FAM118B: variants seen among roughly 807,000 people sequenced by gnomAD.
The protein encoded by FAM118B is protein FAM118B.
Under a neutral mutation model 38.5 loss-of-function variants are expected in FAM118B, and 24 were observed. The ratio of observed to expected loss-of-function variants is 0.62; its 90% CI spans 0.45 to 0.88. FAM118B has a LOEUF of 0.88. Among genes scored for constraint, FAM118B ranks in the 40% least tolerant of loss-of-function variants. The pLI is 0.00. For missense variants in FAM118B, 334 were observed against 420.0 expected (o/e 0.80, Z 1.79); for synonymous variants, 138 against 156.3 (o/e 0.88, Z 0.87).
intron 3 of FAM118B, among the ~76,000 whole-genome samples, chr11:126,239,421 A>T (rs560048402): frequency 6.6e-6 from 1 of 152,142 alleles, no homozygotes; most frequent in African/African-American, 2.4e-5. Flanking sequence ...GAAATTTTCT[A>T]TGTGTGTGTA....
intron 1 of FAM118B, among the ~76,000 whole-genome samples, chr11:126,220,220 A>G (rs1433156051): frequency 2.0e-5 from 3 of 152,170 alleles, no homozygotes; most frequent in Non-Finnish European, 2.9e-5. Context: ...TTCTGAATGA[A>G]GTCTCCACCT....
chr11:126,247,682 A>AC (rs1950435090), intron 4 of FAM118B, among the ~76,000 whole-genome samples: 1 of 151,628 alleles, frequency 6.6e-6, no homozygotes, highest in African/African-American at 2.4e-5. Context: ...ACATGGTGAA[A>AC]CCCATCTCTA....
chr11:126,256,215 G>A lies in FAM118B; in HGVS notation c.697-352G>A, dbSNP rs888445722. ...AGGGTGGTGGAGGTTGCAGTAAGCCGAGGTCACACCACTACACTCTAGCCC... is the reference window on the plus strand; with the variant it reads ...AGGGTGGTGGAGGTTGCAGTAAGCCAAGGTCACACCACTACACTCTAGCCC... On this transcript the variant is annotated intron_variant, in intron 6 of 8. Transcript: ENST00000533050. The surrounding 1 kb of genome is among the most constrained non-coding windows in gnomAD (Gnocchi z 6.6). 2.6e-5 allele frequency among the ~76,000 whole-genome samples: 4 copies of A among 152,300 alleles called. No individual in the cohort carries two copies. Among genetic ancestry groups the A allele is most frequent in the East Asian group, 1.9e-4 (1 of 5,186 alleles).
At chr11:126,223,583 GAA>G (rs35811458) in intron 1 of FAM118B, among the ~76,000 whole-genome samples, 7 of 118,280 alleles carry the variant, frequency 5.9e-5, no homozygotes, top group African/African-American at 1.2e-4. Context: ...GCGAAAGAGC[GAA>G]AAAAAAAAAA....
rs1231514466 is a variant in FAM118B, at chr11:126,256,616, G to A, written c.746G>A (p.Cys249Tyr). Residue 249 changes from cysteine to tyrosine, a missense_variant, in exon 7 of 9, where the codon TGT (cysteine) becomes TAT (tyrosine). Transcript: ENST00000533050. The surrounding 1 kb of genome is among the most constrained non-coding windows in gnomAD (Gnocchi z 6.6). ...YENKSFLFLG[C>Y]GWTVDDTTFQ... ...AACAAGTCATTTCTTTTCCTGGGCTGTGGCTGGACTGTGGATGACACCACT... is the reference window on the plus strand; with the variant it reads ...AACAAGTCATTTCTTTTCCTGGGCTATGGCTGGACTGTGGATGACACCACT... 6.2e-7 allele frequency: 1 copy of A among 1,614,190 alleles called. No homozygotes were observed.
chr11:126,221,141 C>G (rs1437471767), intron 1 of FAM118B, among the ~76,000 whole-genome samples: 1 of 152,162 alleles, frequency 6.6e-6, no homozygotes, highest in Admixed American at 6.5e-5. Context: ...GAGCTGAGAT[C>G]AAGCCACTGC....
rs747120530 is a variant in FAM118B at position 126,261,431 on chromosome 11, TG to T, written c.991del (p.Val331Ter). On this transcript the variant is annotated frameshift_variant, in exon 8 of 9. Transcript: ENST00000533050. LOFTEE classifies it high-confidence loss of function. ...GCTGATGTCCTCTATTTAGCAGGGA[TG>T]GTGAGAGAAGGTCAGCTAAATGGCT... ...EISTRGTSAGMVREGQLNGSS... is the reference protein window; with the variant it reads ...EISTRGTSAGXVREGQLNGSS... 40 of 1,613,850 alleles carry T rather than the reference TG, an allele frequency of 2.5e-5. No individual in the cohort carries two copies. Among genetic ancestry groups the T allele is most frequent in the Admixed American group, 1.2e-4 (7 of 60,002 alleles).
chr11:126,245,287 A>G (rs1437503609), intron 4 of FAM118B: 1 of 152,178 alleles, frequency 6.6e-6, no homozygotes, highest in East Asian at 1.9e-4. Flanking sequence ...GTCTCTAAAA[A>G]AAAAAATTAA....
In FAM118B at chr11:126,244,298, C is replaced by T. The variant is rs1416166318; in HGVS notation, c.339+3254C>T. The stretch of plus-strand genomic sequence containing the variant: ...ATATTGGAAAGGAAGAAGTAAACTG[C>T]CTCTGTTTGCAGATGTGATGATCTA... On this transcript the variant is annotated intron_variant, in intron 4 of 8. Coordinates refer to ENST00000533050, the MANE Select transcript of FAM118B (RefSeq NM_024556.4). This position sits in a 1 kb window ranked among gnomAD's most constrained non-coding sequence, Gnocchi z 4.5. Among the ~76,000 whole-genome samples the T allele has an allele frequency of 6.6e-6, 1 of 152,148 alleles. No homozygotes were observed. The highest frequency in any genetic ancestry group is 1.5e-5 in the Non-Finnish European group (1 of 68,028).
Position 126,252,912 on chromosome 11 carries a change from G to A in FAM118B, c.568-1393G>A, listed in dbSNP as rs758045228. On this transcript the variant is annotated intron_variant, in intron 5 of 8. Coordinates refer to ENST00000533050, the MANE Select transcript of FAM118B (RefSeq NM_024556.4). This position sits in a 1 kb window ranked among gnomAD's most constrained non-coding sequence, Gnocchi z 4.7. ...TAGCTGGGAGTGGTGGTGCACGCCT[G>A]TAATCCCAGTTACTTGGGAGGCTGA... Among the ~76,000 whole-genome samples, 15 of 152,120 alleles carry A rather than the reference G, an allele frequency of 9.9e-5. No individual in the cohort carries two copies. The highest frequency in any genetic ancestry group is 2.1e-4 in the South Asian group (1 of 4,828).
chr11:126,250,794 C>G lies in FAM118B; in HGVS notation c.567+61C>G, dbSNP rs1950493573. 1.5e-6 allele frequency: 2 copies of G among 1,319,062 alleles called. No individual in the cohort carries two copies. Among genetic ancestry groups the G allele is most frequent in the African/African-American group, 3.0e-5 (2 of 67,418 alleles). 81.7% of individuals were successfully genotyped at this position (1,319,062 alleles called of 1,614,324 possible). A position where few individuals can be genotyped will look rare whatever the true frequency, so the allele number is the denominator to read the frequency against. ...GTGGATTTTATCTTCCTCAGAAAAG[C>G]TCTTTTCTAGTTGGTATATTGGTAT... On this transcript the variant is annotated intron_variant, in intron 5 of 8. Coordinates refer to ENST00000533050, the MANE Select transcript of FAM118B (RefSeq NM_024556.4). This position sits in a 1 kb window ranked among gnomAD's most constrained non-coding sequence, Gnocchi z 5.1.
In FAM118B at chr11:126,255,698, A is replaced by T. The variant is rs1407562411; in HGVS notation, c.697-869A>T. Among the ~76,000 whole-genome samples the T allele has an allele frequency of 6.6e-6, 1 of 152,234 alleles. No homozygotes were observed. Among genetic ancestry groups the T allele is most frequent in the African/African-American group, 2.4e-5 (1 of 41,462 alleles). ...ATAAATCTAAAAAAGTACGCCTGTAATCCCAACACTTTGGGAGGCTGAGGC... is the reference window on the plus strand; with the variant it reads ...ATAAATCTAAAAAAGTACGCCTGTATTCCCAACACTTTGGGAGGCTGAGGC... On this transcript the variant is annotated intron_variant, in intron 6 of 8. Coordinates refer to ENST00000533050, the MANE Select transcript of FAM118B (RefSeq NM_024556.4). The surrounding 1 kb of genome is among the most constrained non-coding windows in gnomAD (Gnocchi z 4.6).
chr11:126,224,642 C>T (rs1293796071), intron 1 of FAM118B, among the ~76,000 whole-genome samples: 1 of 151,994 alleles, frequency 6.6e-6, no homozygotes, highest in Non-Finnish European at 1.5e-5. Context: ...AAGGTACAAT[C>T]TGAATAAAGG....
chr11:126,250,698 C>T lies in FAM118B; in HGVS notation c.532C>T (p.Gln178Ter). 1 of 1,614,016 alleles carries T rather than the reference C, an allele frequency of 6.2e-7. No homozygotes were observed. The highest frequency in any genetic ancestry group is 8.5e-7 in the Non-Finnish European group (1 of 1,179,942). ...ACTGTATGCAGCAGATCAGGGGAAA[C>T]AGCTTGAATCCCTTGACCTTACTGA... ...LELYAADQGK[Q>*]LESLDLTDEK... Residue 178 changes from glutamine to a stop codon, truncating the protein, a stop_gained, in exon 5 of 9, where the codon CAG becomes TAG. Transcript: ENST00000533050. LOFTEE classifies it high-confidence loss of function. The surrounding 1 kb of genome is among the most constrained non-coding windows in gnomAD (Gnocchi z 5.1).
intron 3 of FAM118B, among the ~76,000 whole-genome samples, chr11:126,237,616 C>G (rs1282652758): frequency 2.2e-5 from 3 of 133,624 alleles, no homozygotes; most frequent in South Asian, 2.4e-4. Flanking sequence ...GTGGGCAGAT[C>G]GTGAGGTCAG....
rs866683150 is a variant in FAM118B at position 126,240,992 on chromosome 11, A to T, written c.287A>T (p.Glu96Val). ...AAAAAGTTTCAGAAATGTCTCCATGAAGACAAGAACCTGGTCCATGTTGCC... is the reference window on the plus strand; with the variant it reads ...AAAAAGTTTCAGAAATGTCTCCATGTAGACAAGAACCTGGTCCATGTTGCC... Reference protein sequence around the residue: ...ESKKFQKCLHEDKNLVHVAHD... With the variant: ...ESKKFQKCLHVDKNLVHVAHD... The change falls in exon 4 of 9, where the codon GAA becomes GTA. Residue 96 changes from glutamate (E) to valine (V), a missense_variant. Glu to Val is a moderately radical substitution (Grantham distance 121). Around this residue, in one of 3 missense-constraint regions of FAM118B, gnomAD observed 240 missense variants for 295.9 expected, o/e 0.81. Coordinates refer to ENST00000533050, the MANE Select transcript of FAM118B (RefSeq NM_024556.4). The T allele has an allele frequency of 6.2e-7, 1 of 1,613,956 alleles. No individual in the cohort carries two copies. Among genetic ancestry groups the T allele is most frequent in the Middle Eastern group, 1.6e-4 (1 of 6,062 alleles).
chr11:126,224,543 G>GGTGCT (rs1950114423), intron 1 of FAM118B, among the ~76,000 whole-genome samples: 1 of 151,546 alleles, frequency 6.6e-6, no homozygotes, highest in Non-Finnish European at 1.5e-5. Context: ...TATGTTAGAG[G>GGTGCT]GTGCTGTGTG....
chr11:126,227,920 C>T (rs531439871), intron 1 of FAM118B, among the ~76,000 whole-genome samples: 13 of 152,034 alleles, frequency 8.6e-5, no homozygotes, highest in Non-Finnish European at 2.9e-5. Context: ...CCAACTCAGC[C>T]TCCCGAGTAG....
At chr11:126,232,993 A>G (rs899747517) in intron 2 of FAM118B, among the ~76,000 whole-genome samples, 2 of 152,180 alleles carry the variant, frequency 1.3e-5, no homozygotes, top group South Asian at 4.1e-4. Flanking sequence ...TTAATGGTAT[A>G]CTTCATGTGC....
Sources: allele counts gnomAD v4.1 joint callset (sites outside exome capture counted in the v4.1 genomes callset), GRCh38; gene constraint gnomAD v4.1.1; regional missense constraint gnomAD v4.1.1; non-coding constraint Gnocchi (gnomAD v3.1); transcripts MANE v1.5; gene names NCBI Gene and HGNC (gene_info 2026-07-23, HGNC 2026-07-21).